The following EME2 variants were observed in gnomAD, a reference collection of about 807,000 sequenced individuals.
EME2 encodes the protein structure-specific endonuclease subunit EME2.
EME2 carries 58 observed loss-of-function variants against 41.9 expected under a neutral mutation model. The ratio of observed to expected loss-of-function variants is 1.38; its 90% CI spans 1.12 to 1.72. EME2 has a LOEUF of 1.72. Among genes scored for constraint, EME2 ranks in the 40% most tolerant of loss-of-function variants. The pLI is 0.00. For synonymous variants in EME2, 334 were observed against 239.3 expected, an observed-to-expected ratio of 1.40 and a Z score of -3.65; for missense variants, 695 against 541.9, an observed-to-expected ratio of 1.28 and a Z score of -2.81.
At position 1,777,703 on chromosome 16, in the gene EME2, C is replaced by T. The variant is rs558395744; in HGVS notation, c.*1465C>T. 2.1e-5 allele frequency: 34 copies of T among 1,602,398 alleles called. No homozygotes were observed. The highest frequency in any genetic ancestry group is 2.1e-4 in the Middle Eastern group (1 of 4,832). On this transcript the variant is annotated 3_prime_UTR_variant, in exon 8 of 8. Coordinates refer to ENST00000568449, the MANE Select transcript of EME2 (RefSeq NM_001257370.2). ...GCTGGGGCGGGGTGGCTGCCTCCCT[C>T]GGGGTGACAGCTGAGAGGAGCTCAA...
rs770015203 is a variant in EME2 at position 1,775,381 on chromosome 16, G to A, written c.636G>A (p.Val212=). 12 of 1,612,362 alleles carry A rather than the reference G, an allele frequency of 7.4e-6. No homozygotes were observed. In the Admixed American group the frequency reaches 2.0e-4, roughly 27 times the overall value. ...GCCCGAAGGTGGCCGGTGCCGAGGT[G>A]GCCGTCAGCTGGCCGGAGGTGGAAG... ...PESPKVAGAE[V]AVSWPEVEEA... is the part of the protein sequence containing the mutation. Residue 212 remains valine (V), a synonymous_variant, in exon 5 of 8, where the codon GTG becomes GTA. Transcript: ENST00000568449.
Position 1,774,264 on chromosome 16 carries a change from C to G in EME2, c.389C>G (p.Pro130Arg). 6.2e-7 allele frequency: 1 copy of G among 1,612,678 alleles called. No individual in the cohort carries two copies. The highest frequency in any genetic ancestry group is 8.5e-7 in the Non-Finnish European group (1 of 1,179,898). Residue 130 changes from proline (P) to arginine (R), a missense_variant, in exon 3 of 8, where the codon CCT becomes CGT. By Grantham distance (103) the Pro-to-Arg change is moderately radical. Coordinates refer to ENST00000568449, the MANE Select transcript of EME2 (RefSeq NM_001257370.2). The part of the protein sequence containing the change: ...ASPDPCPRSL[P>R]PEVWAAGEQE... ...CGCGTCCCCATGTCCCCACAGCTGC[C>G]TCCTGAAGTGTGGGCTGCAGGTGAA...
chr16:1,776,944 A>G lies in EME2; in HGVS notation c.*706A>G. ...GGGCCCTAGAGCCCCCACAGAAAGG[A>G]CTGTCCCAGCCTCGGGAGCAAGAGA... On this transcript the variant is annotated 3_prime_UTR_variant, in exon 8 of 8. Coordinates refer to ENST00000568449, the MANE Select transcript of EME2 (RefSeq NM_001257370.2). 2.3e-6 allele frequency: 2 copies of G among 865,394 alleles called. No individual in the cohort carries two copies. Among genetic ancestry groups the G allele is most frequent in the Non-Finnish European group, 3.5e-6 (2 of 576,378 alleles). 53.6% of individuals were successfully genotyped at this position (865,394 alleles called of 1,614,324 possible).
intron 6 of EME2, 52 bp downstream of exon 6, chr16:1,775,736 C>G: frequency 1.9e-6 from 3 of 1,612,244 alleles, no homozygotes; most frequent in Non-Finnish European, 2.5e-6. Context: ...GGTAGTGGTG[C>G]CTCCCCGGCC....
At position 1,777,642 on chromosome 16, in the gene EME2, G is replaced by A. The variant is rs993141648; in HGVS notation, c.*1404G>A. On this transcript the variant is annotated 3_prime_UTR_variant, in exon 8 of 8. Transcript: ENST00000568449. ...GGGACCCTGGGGCCTCAGGCTTCTG[G>A]GAGGAACCCTTTCAGAAAACCTCAG... 1.9e-6 allele frequency: 3 copies of A among 1,538,666 alleles called. No homozygotes were observed. The African/African-American group carries it at 4.1e-5, about 21-fold the overall frequency.
In EME2 at chr16:1,781,541, C is replaced by A; in HGVS notation, c.*5303C>A. 6.3e-7 allele frequency: 1 copy of A among 1,584,314 alleles called. No individual in the cohort carries two copies. Among genetic ancestry groups the A allele is most frequent in the Non-Finnish European group, 8.6e-7 (1 of 1,164,014 alleles). ...TGGGCAAAGGAAGACTCACAGCACT[C>A]CCAGCCCTGAGCTTCCAGGCTGGGC... On this transcript the variant is annotated 3_prime_UTR_variant, in exon 8 of 8. Transcript: ENST00000568449.
Position 1,773,173 on chromosome 16 carries a change from T to C in EME2, c.-55T>C. ...CGGAAGTCACCGGAAGAGGCCGGTGTCCCAGGCTAAAGTGTTCGGTCGCGG... is the reference window on the plus strand; with the variant it reads ...CGGAAGTCACCGGAAGAGGCCGGTGCCCCAGGCTAAAGTGTTCGGTCGCGG... On this transcript the variant is annotated 5_prime_UTR_variant, in exon 1 of 8. Transcript: ENST00000568449. 7.0e-7 allele frequency: 1 copy of C among 1,418,602 alleles called. No individual in the cohort carries two copies. The highest frequency in any genetic ancestry group is 9.1e-7 in the Non-Finnish European group (1 of 1,094,190). 87.9% of individuals were successfully genotyped at this position (1,418,602 alleles called of 1,614,324 possible).
rs762830227 is a variant in EME2, at chr16:1,778,403, C to G, written c.*2165C>G. 1.9e-6 allele frequency: 3 copies of G among 1,605,628 alleles called. No homozygotes were observed. The highest frequency in any genetic ancestry group is 2.7e-5 in the African/African-American group (2 of 74,810). On this transcript the variant is annotated 3_prime_UTR_variant, in exon 8 of 8. Transcript: ENST00000568449. ...CCCACCCCCAGGCCCGCCCGCAGTG[C>G]AGTCCCAGCAGGGGCTGGGCCCCAC...
rs1159957167 is a variant in EME2, at chr16:1,774,254, C to T, written c.385-6C>T. 1 of 1,612,026 alleles carries T rather than the reference C, an allele frequency of 6.2e-7. No homozygotes were observed. Among genetic ancestry groups the T allele is most frequent in the Non-Finnish European group, 8.5e-7 (1 of 1,179,538 alleles). On this transcript the variant is annotated splice_region_variant and splice_polypyrimidine_tract_variant and intron_variant, in intron 2 of 7. Coordinates refer to ENST00000568449, the MANE Select transcript of EME2 (RefSeq NM_001257370.2). ...CAGGCAGCAGCGCGTCCCCATGTCC[C>T]CACAGCTGCCTCCTGAAGTGTGGGC...
In EME2 at chr16:1,773,424, T is replaced by G; in HGVS notation, c.197T>G (p.Leu66Arg). The change falls in exon 1 of 8, where the codon CTG (leucine) becomes CGG (arginine). Residue 66 changes from leucine to arginine, a missense_variant. By Grantham distance (102) the Leu-to-Arg change is moderately radical. Coordinates refer to ENST00000568449, the MANE Select transcript of EME2 (RefSeq NM_001257370.2). ...AGGGCGGCTGCCGAGGCGTTGCGGCTGCTGCGGCCGGAGCAGGTCCTGAAG... is the reference window on the plus strand; with the variant it reads ...AGGGCGGCTGCCGAGGCGTTGCGGCGGCTGCGGCCGGAGCAGGTCCTGAAG... ...ERRAAAEALR[L>R]LRPEQVLKRL... 6.4e-7 allele frequency: 1 copy of G among 1,568,018 alleles called. No individual in the cohort carries two copies.
chr16:1,776,487 A>G lies in EME2; in HGVS notation c.*249A>G. On this transcript the variant is annotated 3_prime_UTR_variant, in exon 8 of 8. Transcript: ENST00000568449. The stretch of plus-strand genomic sequence containing the variant: ...GTCCTGAACACGTAGGCCCCAGGGG[A>G]GGCCTCAGCAGCAGGGCTGTGCCCC... The G allele has an allele frequency of 2.5e-6, 1 of 402,312 alleles. No individual in the cohort carries two copies. Among genetic ancestry groups the G allele is most frequent in the African/African-American group, 3.4e-5 (1 of 29,772 alleles). The allele number at this position is 402,312 out of a possible 1,614,324, so 24.9% of individuals were successfully genotyped here. A position where few individuals can be genotyped will look rare whatever the true frequency, so the allele number is the denominator to read the frequency against.
At chr16:1,776,029 C>A in intron 7 of EME2, 39 bp from the exon 8 acceptor site, 2 of 1,604,934 alleles carry the variant, frequency 1.2e-6, no homozygotes, top group South Asian at 2.2e-5. Flanking sequence ...GCAGAAGCCC[C>A]GTCCCCAGGC....
intron 2 of EME2, 29 bp downstream of exon 2, chr16:1,773,870 G>A (rs1402043793): frequency 8.6e-6 from 13 of 1,517,362 alleles, no homozygotes; most frequent in Non-Finnish European, 1.1e-5. Context: ...CCGAGGGCCA[G>A]CCGCGAGTTG....
rs1402483754 is a variant in EME2, at chr16:1,778,785, C to A, written c.*2547C>A. ...ACAGCCCAGGCTCCCTCCCAACGGG[C>A]TCCGGCTCTGCCCCATTCTGCATGA... On this transcript the variant is annotated 3_prime_UTR_variant, in exon 8 of 8. Transcript: ENST00000568449. 4.6e-6 allele frequency: 3 copies of A among 653,090 alleles called. No individual in the cohort carries two copies. Among genetic ancestry groups the A allele is most frequent in the Non-Finnish European group, 7.2e-6 (3 of 414,598 alleles). The allele number at this position is 653,090 out of a possible 1,614,324, so 40.5% of individuals were successfully genotyped here.
chr16:1,775,232 T>C, intron 4 of EME2, 83 bp from the exon 5 acceptor site: 1 of 1,589,266 alleles, frequency 6.3e-7, no homozygotes. Context: ...TGATCCCACT[T>C]CTCCAGGTGG....
rs571431327 is a variant in EME2, at chr16:1,776,102, T to C, written c.1004T>C (p.Met335Thr). ...GCCTGCAGCACGGAGCGGGAGCGCATGGGCCTCCTGGCCGACCTTCCTGTG... is the reference window on the plus strand; with the variant it reads ...GCCTGCAGCACGGAGCGGGAGCGCACGGGCCTCCTGGCCGACCTTCCTGTG... Reference protein sequence around the residue: ...LEACSTERERMGLLADLPVPP... With the variant: ...LEACSTERERTGLLADLPVPP... The change falls in exon 8 of 8, where the codon ATG (methionine) becomes ACG (threonine). Residue 335 changes from methionine to threonine, a missense_variant. Met to Thr is a moderately conservative substitution (Grantham distance 81). Transcript: ENST00000568449. 74 of 1,611,298 alleles carry C rather than the reference T, an allele frequency of 4.6e-5. 1 individual carries two copies. The South Asian group carries it at 8.1e-4, about 18-fold the overall frequency.
Position 1,777,805 on chromosome 16 carries a change from G to A in EME2, c.*1567G>A, listed in dbSNP as rs112217465. ...TGCCGTGCCAGGTGTCCAGGTGCACGCCAATGATGGAGCCCTGGCCGAACC... is the reference window on the plus strand; with the variant it reads ...TGCCGTGCCAGGTGTCCAGGTGCACACCAATGATGGAGCCCTGGCCGAACC... On this transcript the variant is annotated 3_prime_UTR_variant, in exon 8 of 8. Coordinates refer to ENST00000568449, the MANE Select transcript of EME2 (RefSeq NM_001257370.2). The A allele has an allele frequency of 1.3e-5, 21 of 1,612,880 alleles. No homozygotes were observed. In the African/African-American group the frequency reaches 1.5e-4, roughly 11 times the overall value.
Position 1,778,549 on chromosome 16 carries a change from G to A in EME2, c.*2311G>A. The A allele has an allele frequency of 1.2e-6, 2 of 1,607,332 alleles. No individual in the cohort carries two copies. Among genetic ancestry groups the A allele is most frequent in the South Asian group, 1.1e-5 (1 of 90,916 alleles). ...TCACAGAAGGACTCGCCGGTCACGG[G>A]CACCGCACTGGGGATGGATGGCGGC... On this transcript the variant is annotated 3_prime_UTR_variant, in exon 8 of 8. Transcript: ENST00000568449.
Position 1,775,946 on chromosome 16 carries a change from C to T in EME2, c.929C>T (p.Ala310Val), listed in dbSNP as rs771754192. ...FSRVSPAVAD[A>V]VVTAFPSPRL... ...CGGGTCAGCCCAGCCGTGGCTGATGCAGTTGTCACAGCCTTCCCCTCCCCC... is the reference window on the plus strand; with the variant it reads ...CGGGTCAGCCCAGCCGTGGCTGATGTAGTTGTCACAGCCTTCCCCTCCCCC... Residue 310 changes from alanine to valine, a missense_variant, in exon 7 of 8, where the codon GCA (alanine) becomes GTA (valine). Transcript: ENST00000568449. 5.0e-6 allele frequency: 8 copies of T among 1,611,014 alleles called. No homozygotes were observed. The South Asian group carries it at 5.5e-5, about 11-fold the overall frequency.
Sources: gnomAD v4.1 joint callset for allele counts on GRCh38, gnomAD v4.1.1 for gene constraint, MANE v1.5 for transcripts, NCBI Gene and HGNC (gene_info 2026-07-23, HGNC 2026-07-21) for gene names.